CASR: variants seen among roughly 807,000 people sequenced by gnomAD.
CASR encodes calcium sensing receptor, also known as extracellular calcium-sensing receptor.
CASR carries 23 observed loss-of-function variants against 69.1 expected under a neutral mutation model. The observed-to-expected ratio is 0.33, with a 90% confidence interval of 0.24 to 0.47. The LOEUF is 0.47. Among genes scored for constraint, CASR ranks in the 20% least tolerant of loss-of-function variants. CASR has a pLI of 1.00. For synonymous variants in CASR, 541 were observed against 544.7 expected (o/e 0.99, Z 0.10); for missense variants, 924 against 1,356.1 (o/e 0.68, Z 5.00).
Position 122,285,566 on chromosome 3 carries a change from C to A in CASR, c.*375C>A. 1 of 253,076 alleles carries A rather than the reference C, an allele frequency of 4.0e-6. No homozygotes were observed. The highest frequency in any genetic ancestry group is 7.7e-6 in the Non-Finnish European group (1 of 129,452). 15.7% of individuals were successfully genotyped at this position (253,076 alleles called of 1,614,324 possible). A position where few individuals can be genotyped will look rare whatever the true frequency, so the allele number is the denominator to read the frequency against. ...TGATGGGACATCAAATTTGCCACCA[C>A]TAGAGCTGAGAGTCTGAAAGACAGA... On this transcript the variant is annotated 3_prime_UTR_variant, in exon 7 of 7. Transcript: ENST00000639785.
chr3:122,210,347 C>T (rs182034009), intron 1 of CASR, among the ~76,000 whole-genome samples: 2 of 152,242 alleles, frequency 1.3e-5, no homozygotes, highest in African/African-American at 2.4e-5. Context: ...CCCATTGTCC[C>T]ATCCCAAAAG....
chr3:122,207,432 C>T (rs2074018251), intron 1 of CASR, among the ~76,000 whole-genome samples: 1 of 152,050 alleles, frequency 6.6e-6, no homozygotes, highest in Non-Finnish European at 1.5e-5. Flanking sequence ...CAAAACAAGT[C>T]CAAACACATT....
intron 3 of CASR, among the ~76,000 whole-genome samples, chr3:122,260,193 C>T (rs1024238312): frequency 6.6e-6 from 1 of 152,212 alleles, no homozygotes; most frequent in Non-Finnish European, 1.5e-5. Flanking sequence ...CCTGAGTGGT[C>T]AGAGCACTCC....
intron 4 of CASR, among the ~76,000 whole-genome samples, chr3:122,266,053 G>A (rs142792824): frequency 6.6e-6 from 1 of 152,230 alleles, no homozygotes; most frequent in East Asian, 1.9e-4. Context: ...TCATTATCTT[G>A]TTCATTATCT....
At chr3:122,252,362 A>AAAGAAG (rs2074495084) in intron 1 of CASR, among the ~76,000 whole-genome samples, 1 of 26,218 alleles carries the variant, frequency 3.8e-5, no homozygotes, top group African/African-American at 1.6e-4. Flanking sequence ...AAAGAAAGAA[A>AAAGAAG]GAAGGAAGGA....
At chr3:122,266,499 G>A (rs1454315232) in intron 4 of CASR, among the ~76,000 whole-genome samples, 3 of 151,464 alleles carry the variant, frequency 2.0e-5, no homozygotes, top group East Asian at 1.9e-4. Context: ...GCCCGATCTT[G>A]GCTCACTGCA....
In CASR at chr3:122,285,001, T is replaced by C. The variant is rs755151413; in HGVS notation, c.3047T>C (p.Leu1016Pro). The change falls in exon 7 of 7, where the codon CTG (leucine) becomes CCG (proline). Residue 1016 changes from leucine (L) to proline (P), a missense_variant. Physicochemically the swap from Leu to Pro is moderately conservative, Grantham distance 98. Coordinates refer to ENST00000639785, the MANE Select transcript of CASR (RefSeq NM_000388.4). ...ACCCGACACGAGCCATTACTCCCGC[T>C]GCAGTGCGGGGAAACGGACTTAGAT... ...TLTRHEPLLP[L>P]QCGETDLDLT... 6.2e-7 allele frequency: 1 copy of C among 1,614,182 alleles called. No homozygotes were observed. Among genetic ancestry groups the C allele is most frequent in the Non-Finnish European group, 8.5e-7 (1 of 1,180,012 alleles).
Position 122,257,645 on chromosome 3 carries a change from G to A in CASR, c.492+258G>A, listed in dbSNP as rs2074570751. On this transcript the variant is annotated intron_variant, in intron 3 of 6. Coordinates refer to ENST00000639785, the MANE Select transcript of CASR (RefSeq NM_000388.4). ...AAAACTGTGTCTTTTTTTAAAAAGA[G>A]GCATTCAGTTATTTATTTCCCACTC... 4 of 419,572 alleles carry A rather than the reference G, an allele frequency of 9.5e-6. No homozygotes were observed. The Admixed American group carries it at 1.6e-4, about 17-fold the overall frequency. The allele number at this position is 419,572 out of a possible 1,614,324, so 26.0% of individuals were successfully genotyped here.
At chr3:122,225,877 A>G (rs916868471) in intron 1 of CASR, among the ~76,000 whole-genome samples, 17 of 152,266 alleles carry the variant, frequency 1.1e-4, no homozygotes, top group Admixed American at 2.0e-4. Flanking sequence ...TATATGCTAC[A>G]GAATACTATG....
intron 1 of CASR, among the ~76,000 whole-genome samples, chr3:122,215,867 G>A (rs1467713089): frequency 6.6e-6 from 1 of 152,198 alleles, no homozygotes; most frequent in Admixed American, 6.5e-5. Flanking sequence ...CAGAGAGACT[G>A]TATCTGAAGG....
intron 1 of CASR, among the ~76,000 whole-genome samples, chr3:122,232,609 G>T (rs1433116872): frequency 6.6e-6 from 1 of 152,162 alleles, no homozygotes; most frequent in African/African-American, 2.4e-5. Flanking sequence ...GAGGAGGCAG[G>T]GCCAGTGTAT....
In CASR at chr3:122,272,357, C is replaced by A. The variant is rs1027333944; in HGVS notation, c.1378-3455C>A. 2.6e-5 allele frequency among the ~76,000 whole-genome samples: 4 copies of A among 152,096 alleles called. No homozygotes were observed. In the East Asian group the frequency reaches 7.7e-4, roughly 29 times the overall value. On this transcript the variant is annotated intron_variant, in intron 4 of 6. Transcript: ENST00000639785. The stretch of plus-strand genomic sequence containing the variant: ...CTCTTTACTTATCTTCTGTATTTCC[C>A]CTTGTTCTCTAGTACATACATGATT...
intron 1 of CASR, among the ~76,000 whole-genome samples, chr3:122,211,729 A>G (rs1438822901): frequency 6.6e-6 from 1 of 152,202 alleles, no homozygotes; most frequent in Non-Finnish European, 1.5e-5. Flanking sequence ...AAATAAAAAT[A>G]AATAAAAATA....
rs186549521 is a variant in CASR at position 122,199,736 on chromosome 3, G to A, written c.-243+15924G>A. Among the ~76,000 whole-genome samples, 7 of 152,230 alleles carry A rather than the reference G, an allele frequency of 4.6e-5. No individual in the cohort carries two copies. The East Asian group carries it at 5.8e-4, about 13-fold the overall frequency. On this transcript the variant is annotated intron_variant, in intron 1 of 6. Transcript: ENST00000639785. ...GGTTACTAGAGGGTAGGAAGGATGC[G>A]GGGGTGGGAGGTGATAACCAGAAGT... is the stretch of plus-strand genomic sequence containing the variant.
At chr3:122,227,441 C>T (rs1006463260) in intron 1 of CASR, among the ~76,000 whole-genome samples, 13 of 152,308 alleles carry the variant, frequency 8.5e-5, no homozygotes, top group South Asian at 4.1e-4. Context: ...CCTCACTGCC[C>T]GGGGCTTGCG....
At chr3:122,254,743 T>C (rs1303519815) in intron 2 of CASR, among the ~76,000 whole-genome samples, 2 of 152,184 alleles carry the variant, frequency 1.3e-5, no homozygotes, top group Admixed American at 1.3e-4. Flanking sequence ...CCCATTGACC[T>C]TACATGCTCC....
chr3:122,204,705 G>T (rs930762160), intron 1 of CASR, among the ~76,000 whole-genome samples: 4 of 152,116 alleles, frequency 2.6e-5, no homozygotes, highest in African/African-American at 9.7e-5. Context: ...GTGTATGAAG[G>T]TTCCCCTTTC....
rs149314803 is a variant in CASR at position 122,193,240 on chromosome 3, T to TCTCA, written c.-243+9436_-243+9439dup. 1.1e-3 allele frequency among the ~76,000 whole-genome samples: 170 copies of TCTCA among 151,772 alleles called. 1 individual carries two copies. The highest frequency in any genetic ancestry group is 3.8e-3 in the African/African-American group (158 of 41,364). On this transcript the variant is annotated intron_variant, in intron 1 of 6. Transcript: ENST00000639785. ...TTTGTTTGTTTGTTTGTTTTTTGAG[T>TCTCA]CTCACTCACTCTGTCACCCAGTCTA...
chr3:122,242,437 C>A (rs996849441), intron 1 of CASR, among the ~76,000 whole-genome samples: 3 of 151,882 alleles, frequency 2.0e-5, no homozygotes, highest in South Asian at 4.2e-4. Flanking sequence ...GTATAATAGT[C>A]ACAAGTAAAA....
Sources: gnomAD v4.1 joint callset for allele counts (sites outside exome capture counted in the v4.1 genomes callset) on GRCh38, gnomAD v4.1.1 for gene constraint, MANE v1.5 for transcripts, NCBI Gene and HGNC (gene_info 2026-07-23, HGNC 2026-07-21) for gene names.